The following RAP1GDS1 variants were observed in gnomAD, a reference collection of about 807,000 sequenced individuals.
RAP1GDS1 encodes the protein Rap1 GTPase-GDP dissociation stimulator 1.
RAP1GDS1 carries 35 observed loss-of-function variants against 71.1 expected under a neutral mutation model. The observed-to-expected ratio is 0.49, with a 90% confidence interval of 0.38 to 0.65. The LOEUF (loss-of-function observed/expected upper bound fraction) is 0.65, where lower values mean the gene tolerates loss of function less well. Among genes scored for constraint, RAP1GDS1 ranks in the 30% least tolerant of loss-of-function variants. RAP1GDS1 has a pLI of 0.00. For synonymous variants in RAP1GDS1, 229 were observed against 243.1 expected (o/e 0.94, Z 0.54); for missense variants, 663 against 706.1 (o/e 0.94, Z 0.69).
chr4:98,282,550 C>CA (rs1725286383), intron 1 of RAP1GDS1, among the ~76,000 whole-genome samples: 1 of 148,678 alleles, frequency 6.7e-6, no homozygotes, highest in Non-Finnish European at 1.5e-5. Flanking sequence ...TTGATCTTTT[C>CA]AAAAAACCAG....
intron 5 of RAP1GDS1, among the ~76,000 whole-genome samples, chr4:98,391,186 AC>A (rs1254417469): frequency 3.3e-5 from 5 of 152,046 alleles, no homozygotes; most frequent in African/African-American, 4.8e-5. Context: ...TCCATGAAGA[AC>A]CCTTGTGGAA....
At chr4:98,321,566 G>T (rs1211711848) in intron 2 of RAP1GDS1, among the ~76,000 whole-genome samples, 1 of 151,034 alleles carries the variant, frequency 6.6e-6, no homozygotes, top group Admixed American at 6.6e-5. Flanking sequence ...GACTAACAGC[G>T]GATCTCTCGG....
At chr4:98,353,327 A>G (rs1382844254) in intron 4 of RAP1GDS1, among the ~76,000 whole-genome samples, 2 of 152,144 alleles carry the variant, frequency 1.3e-5, no homozygotes, top group African/African-American at 4.8e-5. Flanking sequence ...TTCACCTGTA[A>G]TGCCTCCTAG....
intron 2 of RAP1GDS1, among the ~76,000 whole-genome samples, chr4:98,313,068 CAAAAAAAAAAAAAAA>C (rs556945198): frequency 4.2e-4 from 16 of 38,184 alleles, no homozygotes; most frequent in African/African-American, 1.1e-3. Context: ...GACTCTGTCT[CAAAAAAAAAAAAAAA>C]AAAAAAAAAA....
chr4:98,284,252 CA>C (rs1264947254), intron 1 of RAP1GDS1, among the ~76,000 whole-genome samples: 3 of 151,874 alleles, frequency 2.0e-5, no homozygotes, highest in Non-Finnish European at 2.9e-5. Flanking sequence ...ATTTTAGATT[CA>C]GGGGGCACGT....
chr4:98,377,648 G>A (rs1000201942), intron 4 of RAP1GDS1, among the ~76,000 whole-genome samples: 20 of 151,654 alleles, frequency 1.3e-4, no homozygotes, highest in Admixed American at 8.6e-4. Flanking sequence ...GTGTGTGTGT[G>A]TGTATACCAT....
intron 1 of RAP1GDS1, among the ~76,000 whole-genome samples, chr4:98,291,307 A>G (rs567976157): frequency 6.6e-6 from 1 of 152,268 alleles, no homozygotes; most frequent in Non-Finnish European, 1.5e-5. Flanking sequence ...TAGGAAAGAA[A>G]TTGTTTTAAG....
At chr4:98,430,487 A>G (rs902337242) in intron 12 of RAP1GDS1, among the ~76,000 whole-genome samples, 1 of 152,216 alleles carries the variant, frequency 6.6e-6, no homozygotes, top group African/African-American at 2.4e-5. Flanking sequence ...GTTTCATCAA[A>G]TTATAATCCC....
chr4:98,355,548 T>A (rs558383655), intron 4 of RAP1GDS1, among the ~76,000 whole-genome samples: 65 of 152,310 alleles, frequency 4.3e-4, no homozygotes, highest in Admixed American at 1.5e-3. Flanking sequence ...AAGTGTAGAA[T>A]TCACTATTGG....
chr4:98,393,000 C>G (rs977522125), intron 6 of RAP1GDS1, among the ~76,000 whole-genome samples: 1 of 152,088 alleles, frequency 6.6e-6, no homozygotes, highest in African/African-American at 2.4e-5. Flanking sequence ...TATGGATTAC[C>G]CTTTCTTCTT....
At chr4:98,416,212 T>C (rs1414445866) in intron 7 of RAP1GDS1, among the ~76,000 whole-genome samples, 1 of 152,124 alleles carries the variant, frequency 6.6e-6, no homozygotes, top group Non-Finnish European at 1.5e-5. Flanking sequence ...CCTGAAAAAT[T>C]TGGCAATTTC....
At chr4:98,401,239 T>C (rs1417619009) in intron 6 of RAP1GDS1, among the ~76,000 whole-genome samples, 1 of 152,180 alleles carries the variant, frequency 6.6e-6, no homozygotes, top group Non-Finnish European at 1.5e-5. Flanking sequence ...ATTAGAAAAC[T>C]GCTGGAGTGT....
intron 4 of RAP1GDS1, among the ~76,000 whole-genome samples, chr4:98,372,697 A>C (rs987020492): frequency 2.0e-5 from 3 of 152,032 alleles, no homozygotes; most frequent in African/African-American, 7.2e-5. Context: ...TTTTACTTAA[A>C]AATTTGAGAC....
rs1735739623 is a variant in RAP1GDS1, at chr4:98,343,152, T to TG, written c.127dup (p.Glu43GlyfsTer28). The TG allele has an allele frequency of 6.2e-7, 1 of 1,608,674 alleles. No homozygotes were observed. Among genetic ancestry groups the TG allele is most frequent in the African/African-American group, 1.3e-5 (1 of 74,694 alleles). On this transcript the variant is annotated frameshift_variant, in exon 3 of 15. Transcript: ENST00000408927. LOFTEE classifies it high-confidence loss of function. ...TATCTCTTTTAGATACGGAAACAAG[T>TG]GAAAAAATCCAAGCAAGTGGAATAC...
intron 6 of RAP1GDS1, among the ~76,000 whole-genome samples, chr4:98,392,419 A>G (rs1743846252): frequency 6.6e-6 from 1 of 152,232 alleles, no homozygotes; most frequent in South Asian, 2.1e-4. Context: ...CCACGGGTAA[A>G]AATAAGATTG....
At chr4:98,426,163 A>T (rs1470372572) in intron 12 of RAP1GDS1, among the ~76,000 whole-genome samples, 1 of 152,162 alleles carries the variant, frequency 6.6e-6, no homozygotes. Flanking sequence ...GAATTTAAAA[A>T]TTCTTTGAAC....
intron 6 of RAP1GDS1, among the ~76,000 whole-genome samples, chr4:98,398,414 G>A (rs920981269): frequency 2.6e-5 from 4 of 152,052 alleles, no homozygotes; most frequent in Non-Finnish European, 5.9e-5. Flanking sequence ...AGACCATAGC[G>A]CATCAATGTG....
At chr4:98,277,742 T>C (rs564640483) in intron 1 of RAP1GDS1, among the ~76,000 whole-genome samples, 1 of 152,324 alleles carries the variant, frequency 6.6e-6, no homozygotes, top group South Asian at 2.1e-4. Context: ...TGTTTGTAGA[T>C]GTTACAAAGT....
At chr4:98,267,792 G>A (rs1294326162) in intron 1 of RAP1GDS1, among the ~76,000 whole-genome samples, 1 of 152,084 alleles carries the variant, frequency 6.6e-6, no homozygotes, top group Admixed American at 6.6e-5. Context: ...ATTGTGAATA[G>A]TGCTGCGATG....
Sources: gnomAD v4.1 joint callset for allele counts (sites outside exome capture counted in the v4.1 genomes callset) on GRCh38, gnomAD v4.1.1 for gene constraint, MANE v1.5 for transcripts, NCBI Gene and HGNC (gene_info 2026-07-23, HGNC 2026-07-21) for gene names.